Variants in PTN observed in about 807,000 individuals in gnomAD.
The protein encoded by PTN is heparin affin regulatory protein.
In PTN, 18 loss-of-function variants were observed where a neutral mutation model predicts 24.1. That is an observed-to-expected ratio of 0.75 (90% confidence interval 0.52 to 1.11). PTN has a LOEUF of 1.11. PTN is among the 50% of genes least tolerant of loss of function. PTN has a pLI of 0.00. For synonymous variants in PTN, 78 were observed against 68.6 expected, an observed-to-expected ratio of 1.14 and a Z score of -0.67; for missense variants, 163 against 198.8, an observed-to-expected ratio of 0.82 and a Z score of 1.08.
intron 4 of PTN, among the ~76,000 whole-genome samples, chr7:137,231,258 C>T (rs1808422060): frequency 6.6e-6 from 1 of 151,894 alleles, no homozygotes; most frequent in South Asian, 2.1e-4. Context: ...ATATGTCTCA[C>T]CCATCTTCCT....
At chr7:137,234,947 A>G (rs1318178972) in intron 4 of PTN, among the ~76,000 whole-genome samples, 1 of 152,092 alleles carries the variant, frequency 6.6e-6, no homozygotes, top group Non-Finnish European at 1.5e-5. Context: ...TGATTAGAAT[A>G]GAAATACAAA....
Position 137,259,507 on chromosome 7 carries a change from T to C in PTN, c.-1-4533A>G, listed in dbSNP as rs7790134. On this transcript the variant is annotated intron_variant, in intron 1 of 4. Coordinates refer to ENST00000348225, the MANE Select transcript of PTN (RefSeq NM_002825.7). ...TTACTTGAGAGACTTGTCATGAAGA[T>C]TACAAGATACAGATATAGAAATAAC... 3.0e-3 allele frequency among the ~76,000 whole-genome samples: 450 copies of C among 152,084 alleles called. 2 individuals are homozygous for C. Among genetic ancestry groups the C allele is most frequent in the African/African-American group, 0.01 (430 of 41,508 alleles).
chr7:137,256,004 G>T (rs1281412839), intron 1 of PTN, among the ~76,000 whole-genome samples: 1 of 152,022 alleles, frequency 6.6e-6, no homozygotes, highest in Non-Finnish European at 1.5e-5. Context: ...GATTAGTTTA[G>T]GTGTTTCAAC....
chr7:137,300,834 T>C (rs1268344103), intron 1 of PTN, among the ~76,000 whole-genome samples: 2 of 151,954 alleles, frequency 1.3e-5, no homozygotes, highest in Non-Finnish European at 2.9e-5. Context: ...TTCTGAGTAT[T>C]ACCTTGCCCA....
intron 1 of PTN, among the ~76,000 whole-genome samples, chr7:137,278,984 A>AATAATAAT (rs1809420362): frequency 3.8e-5 from 4 of 105,174 alleles, no homozygotes; most frequent in Non-Finnish European, 6.0e-5. Context: ...ATAATAATAA[A>AATAATAAT]ATAAAGAAAC....
At chr7:137,309,467 T>A (rs1402085611) in intron 1 of PTN, among the ~76,000 whole-genome samples, 4 of 152,030 alleles carry the variant, frequency 2.6e-5, no homozygotes, top group African/African-American at 9.7e-5. Context: ...GTTTGTCACA[T>A]CAATTCACTC....
intron 1 of PTN, among the ~76,000 whole-genome samples, chr7:137,279,457 T>C (rs112025262): frequency 5.0e-4 from 76 of 152,266 alleles, no homozygotes; most frequent in African/African-American, 1.7e-3. Flanking sequence ...GGTATGTTCA[T>C]AGAATTTCAG....
At chr7:137,297,639 C>A (rs1194619689) in intron 1 of PTN, among the ~76,000 whole-genome samples, 2 of 151,964 alleles carry the variant, frequency 1.3e-5, no homozygotes, top group Non-Finnish European at 2.9e-5. Context: ...ACAACAACAA[C>A]AAAACAGGCA....
intron 1 of PTN, among the ~76,000 whole-genome samples, chr7:137,285,267 G>A (rs990211398): frequency 2.6e-5 from 4 of 152,154 alleles, no homozygotes; most frequent in African/African-American, 9.7e-5. Flanking sequence ...AATTAACCCT[G>A]ATTATAATAT....
intron 1 of PTN, among the ~76,000 whole-genome samples, chr7:137,333,265 A>C (rs1384509865): frequency 1.3e-5 from 2 of 152,198 alleles, no homozygotes; most frequent in Non-Finnish European, 2.9e-5. Context: ...CTAGATGCCC[A>C]ATCTGGAAAC....
chr7:137,265,945 C>T (rs1216925238), intron 1 of PTN, among the ~76,000 whole-genome samples: 2 of 152,136 alleles, frequency 1.3e-5, no homozygotes. Flanking sequence ...TACCATTTTA[C>T]ATTTAACAAT....
At chr7:137,293,859 A>G (rs1809678540) in intron 1 of PTN, among the ~76,000 whole-genome samples, 1 of 152,114 alleles carries the variant, frequency 6.6e-6, no homozygotes, top group Non-Finnish European at 1.5e-5. Context: ...ACAAATGTAG[A>G]ATGTATCCAC....
At chr7:137,263,292 T>A (rs751782714) in intron 1 of PTN, among the ~76,000 whole-genome samples, 6 of 152,230 alleles carry the variant, frequency 3.9e-5, no homozygotes, top group Non-Finnish European at 8.8e-5. Flanking sequence ...GAATCCATGT[T>A]ACACTTGTAC....
chr7:137,340,561 C>T (rs1192642980), intron 1 of PTN, among the ~76,000 whole-genome samples: 1 of 152,196 alleles, frequency 6.6e-6, no homozygotes, highest in Non-Finnish European at 1.5e-5. Flanking sequence ...AAAGCAAGCC[C>T]AGCTCATAAA....
chr7:137,292,027 G>T (rs377520837), intron 1 of PTN, among the ~76,000 whole-genome samples: 1 of 152,042 alleles, frequency 6.6e-6, no homozygotes, highest in Non-Finnish European at 1.5e-5. Flanking sequence ...ATAAAACTAG[G>T]ATTCTGATAA....
At chr7:137,260,297 T>C (rs192485608) in intron 1 of PTN, among the ~76,000 whole-genome samples, 4 of 152,232 alleles carry the variant, frequency 2.6e-5, no homozygotes, top group East Asian at 1.9e-4. Flanking sequence ...GACCTCTTTA[T>C]TGTAAAACAA....
At chr7:137,251,183 TG>T in intron 4 of PTN, 46 bp downstream of exon 4, 1 of 1,594,490 alleles carries the variant, frequency 6.3e-7, no homozygotes, top group Non-Finnish European at 8.6e-7. Context: ...AGATCTTACC[TG>T]AGTCCATCAA....
At chr7:137,324,294 TGGAGAA>T in intron 1 of PTN, among the ~76,000 whole-genome samples, 1 of 150,152 alleles carries the variant, frequency 6.7e-6, no homozygotes, top group African/African-American at 2.5e-5. Context: ...ACTCGGAACG[TGGAGAA>T]AGAAGGACCG....
At chr7:137,306,996 G>A (rs1227066530) in intron 1 of PTN, among the ~76,000 whole-genome samples, 1 of 151,932 alleles carries the variant, frequency 6.6e-6, no homozygotes, top group East Asian at 1.9e-4. Flanking sequence ...ATGGGTTTGA[G>A]GTCTACTAGC....
Sources: gnomAD v4.1 joint callset for allele counts (sites outside exome capture counted in the v4.1 genomes callset) on GRCh38, gnomAD v4.1.1 for gene constraint, MANE v1.5 for transcripts, NCBI Gene and HGNC (gene_info 2026-07-23, HGNC 2026-07-21) for gene names.